The following SEPTIN9 variants were observed in gnomAD, a reference collection of about 807,000 sequenced individuals.
SEPTIN9 encodes septin 9, also known as septin-9.
Under a neutral mutation model 56.6 loss-of-function variants are expected in SEPTIN9, and 13 were observed. The observed-to-expected ratio is 0.23, with a 90% CI of 0.15 to 0.37. SEPTIN9 has a LOEUF of 0.37. Among genes scored for constraint, SEPTIN9 ranks in the 10% least tolerant of loss-of-function variants. The pLI, the probability that SEPTIN9 is intolerant of heterozygous loss-of-function variation, is 1.00. For synonymous variants in SEPTIN9, 332 were observed against 334.1 expected, an observed-to-expected ratio of 0.99 and a Z score of 0.07; for missense variants, 650 against 823.1, an observed-to-expected ratio of 0.79 and a Z score of 2.57.
At chr17:77,290,928 C>T (rs190201538) in intron 1 of SEPTIN9, among the ~76,000 whole-genome samples, 315 of 151,038 alleles carry the variant, frequency 2.1e-3, no homozygotes, top group African/African-American at 7.2e-3. Context: ...AGTGCAGTGG[C>T]GTGATCATGA....
chr17:77,405,925 G>T lies in SEPTIN9; in HGVS notation c.721+3222G>T, dbSNP rs986013374. Among the ~76,000 whole-genome samples, 13 of 152,182 alleles carry T rather than the reference G, an allele frequency of 8.5e-5. No individual in the cohort carries two copies. The highest frequency in any genetic ancestry group is 3.1e-4 in the African/African-American group (13 of 41,446). The stretch of plus-strand genomic sequence containing the variant: ...TCTGACCAATCTCTGCGGCCCCTCT[G>T]TCCCCCGAGCACCAGGGATCCAGCT... On this transcript the variant is annotated intron_variant, in intron 3 of 11. Coordinates refer to ENST00000427177, the MANE Select transcript of SEPTIN9 (RefSeq NM_001113491.2). The surrounding 1 kb of genome is among the most constrained non-coding windows in gnomAD (Gnocchi z 5.8).
intron 3 of SEPTIN9, among the ~76,000 whole-genome samples, chr17:77,416,460 T>C (rs1028255395): frequency 6.6e-6 from 1 of 152,182 alleles, no homozygotes; most frequent in African/African-American, 2.4e-5. Context: ...GGGGAGCTCT[T>C]GGGCCCCTCC....
chr17:77,486,521 TGCGCGCACGCGC>T (rs1215777032), intron 4 of SEPTIN9, among the ~76,000 whole-genome samples: 138 of 120,204 alleles, frequency 1.1e-3, no homozygotes, highest in African/African-American at 5.2e-3. Context: ...TGTGTGTGTG[TGCGCGCACGCGC>T]GCGCGTGTTA....
At chr17:77,337,696 A>G (rs2033599660) in intron 2 of SEPTIN9, among the ~76,000 whole-genome samples, 1 of 152,146 alleles carries the variant, frequency 6.6e-6, no homozygotes, top group Non-Finnish European at 1.5e-5. Context: ...AGAAAGAGTT[A>G]TTCAGGTTTT....
intron 3 of SEPTIN9, among the ~76,000 whole-genome samples, chr17:77,419,573 G>A (rs1188794234): frequency 6.6e-6 from 1 of 152,188 alleles, no homozygotes; most frequent in Non-Finnish European, 1.5e-5. Context: ...GTGGTCTGTT[G>A]CCCAGCCTAG....
At chr17:77,387,860 C>CAT (rs1555656587) in intron 2 of SEPTIN9, among the ~76,000 whole-genome samples, 3 of 149,922 alleles carry the variant, frequency 2.0e-5, no homozygotes, top group Admixed American at 1.3e-4. Flanking sequence ...GGGGAAGGTG[C>CAT]CTGATCTAGC....
chr17:77,361,787 C>A (rs949594434), intron 2 of SEPTIN9, among the ~76,000 whole-genome samples: 1 of 152,154 alleles, frequency 6.6e-6, no homozygotes, highest in African/African-American at 2.4e-5. Flanking sequence ...CGCCTGCCAC[C>A]GCGTCCGGCT....
chr17:77,468,189 C>G (rs1210043648), intron 3 of SEPTIN9, among the ~76,000 whole-genome samples: 1 of 152,114 alleles, frequency 6.6e-6, no homozygotes, highest in South Asian at 2.1e-4. Context: ...GGCGTGAACC[C>G]GGGAGGCAGA....
At position 77,436,769 on chromosome 17, in the gene SEPTIN9, G is replaced by A. The variant is rs1054624044; in HGVS notation, c.721+34066G>A. ...CTGGGAGTGACTGAAAGTCCTTGGG[G>A]GTTCCTGCAGGGTGAGCTGCCCATT... On this transcript the variant is annotated intron_variant, in intron 3 of 11. Transcript: ENST00000427177. The surrounding 1 kb of genome is among the most constrained non-coding windows in gnomAD (Gnocchi z 4.4). Among the ~76,000 whole-genome samples the A allele has an allele frequency of 6.6e-6, 1 of 152,260 alleles. No homozygotes were observed. Among genetic ancestry groups the A allele is most frequent in the Non-Finnish European group, 1.5e-5 (1 of 68,050 alleles).
rs149508391 is a variant in SEPTIN9 at position 77,494,667 on chromosome 17, G to A, written c.1573+1591G>A. On this transcript the variant is annotated intron_variant, in intron 10 of 11. Coordinates refer to ENST00000427177, the MANE Select transcript of SEPTIN9 (RefSeq NM_001113491.2). ...ACATGGGTTATCTCGTTTCATGTCCGAAGCTCCCCGCACCCACCCTCCTTG... is the reference window on the plus strand; with the variant it reads ...ACATGGGTTATCTCGTTTCATGTCCAAAGCTCCCCGCACCCACCCTCCTTG... 9.7e-3 allele frequency among the ~76,000 whole-genome samples: 1,472 copies of A among 152,286 alleles called. 13 individuals are homozygous for A. Among genetic ancestry groups the A allele is most frequent in the Non-Finnish European group, 0.014 (933 of 68,030 alleles).
intron 3 of SEPTIN9, among the ~76,000 whole-genome samples, chr17:77,479,497 G>A (rs1431753893): frequency 6.6e-6 from 1 of 152,252 alleles, no homozygotes; most frequent in Non-Finnish European, 1.5e-5. Context: ...TGCAGGAATG[G>A]CTCTCACCTG....
intron 3 of SEPTIN9, among the ~76,000 whole-genome samples, chr17:77,448,832 G>A (rs2037855533): frequency 6.6e-6 from 1 of 151,460 alleles, no homozygotes; most frequent in South Asian, 2.1e-4. Context: ...TGCCCAGGCT[G>A]GAGTGCAGTG....
intron 4 of SEPTIN9, among the ~76,000 whole-genome samples, chr17:77,485,127 G>GTGGGTGGTGGTGGTGATA (rs2039699169): frequency 6.6e-6 from 1 of 151,388 alleles, no homozygotes; most frequent in South Asian, 2.1e-4. Context: ...TGGTGGTGAT[G>GTGGGTGGTGGTGGTGATA]TGGGTGGTGG....
At chr17:77,426,339 C>A (rs890722820) in intron 3 of SEPTIN9, among the ~76,000 whole-genome samples, 1 of 152,116 alleles carries the variant, frequency 6.6e-6, no homozygotes, top group East Asian at 1.9e-4. Context: ...AAGGGTGCCC[C>A]CCCGAGCCCC....
At chr17:77,356,858 C>T (rs1005374055) in intron 2 of SEPTIN9, among the ~76,000 whole-genome samples, 1 of 149,106 alleles carries the variant, frequency 6.7e-6, no homozygotes, top group Non-Finnish European at 1.5e-5. Context: ...GGAAAAGGCT[C>T]ATGCAGGCTG....
intron 2 of SEPTIN9, among the ~76,000 whole-genome samples, chr17:77,331,013 C>G (rs2033326895): frequency 6.6e-6 from 1 of 152,172 alleles, no homozygotes; most frequent in South Asian, 2.1e-4. Flanking sequence ...GCCAGCAGGC[C>G]CTGCTGCTCA....
chr17:77,405,877 C>T lies in SEPTIN9; in HGVS notation c.721+3174C>T, dbSNP rs1273500753. 6.6e-6 allele frequency among the ~76,000 whole-genome samples: 1 copy of T among 152,238 alleles called. No individual in the cohort carries two copies. The highest frequency in any genetic ancestry group is 1.5e-5 in the Non-Finnish European group (1 of 68,036). On this transcript the variant is annotated intron_variant, in intron 3 of 11. Coordinates refer to ENST00000427177, the MANE Select transcript of SEPTIN9 (RefSeq NM_001113491.2). The surrounding 1 kb of genome is among the most constrained non-coding windows in gnomAD (Gnocchi z 5.8). ...TCCATGTGGGGCTGGGCTGGGAGTT[C>T]CCTGAGCCCCGACATGCACAGCTCT... is the stretch of plus-strand genomic sequence containing the variant.
intron 2 of SEPTIN9, among the ~76,000 whole-genome samples, chr17:77,397,329 C>T (rs1326266235): frequency 6.6e-6 from 1 of 152,268 alleles, no homozygotes; most frequent in South Asian, 2.1e-4. Flanking sequence ...CCCTCCCCAC[C>T]GTGTCTCTTT....
At chr17:77,404,637 G>T (rs538632676) in intron 3 of SEPTIN9, among the ~76,000 whole-genome samples, 4 of 152,248 alleles carry the variant, frequency 2.6e-5, no homozygotes, top group African/African-American at 7.2e-5. Flanking sequence ...GTGGGTTTGG[G>T]GGGAGACCAG....
Sources: gnomAD v4.1 joint callset for allele counts (sites outside exome capture counted in the v4.1 genomes callset) on GRCh38, gnomAD v4.1.1 for gene constraint, Gnocchi (gnomAD v3.1) non-coding constraint, MANE v1.5 for transcripts, NCBI Gene and HGNC (gene_info 2026-07-23, HGNC 2026-07-21) for gene names.